RBFOX1: variants seen among roughly 807,000 people sequenced by gnomAD.
RBFOX1 encodes the protein RNA binding protein fox-1 homolog 1.
RBFOX1 carries 8 observed loss-of-function variants against 57.7 expected under a neutral mutation model. The ratio of observed to expected loss-of-function variants is 0.14; its 90% CI spans 0.08 to 0.25. RBFOX1 has a LOEUF of 0.25. Ranked by LOEUF, RBFOX1 falls within the 10% of genes least tolerant of loss-of-function variation. The pLI, the probability that RBFOX1 is intolerant of heterozygous loss-of-function variation, is 1.00. For missense variants in RBFOX1, 611 were observed against 548.5 expected (o/e 1.11, Z -1.14); for synonymous variants, 326 against 222.4 (o/e 1.47, Z -4.15).
chr16:5,917,008 G>T (rs1187608460), intron 4 of RBFOX1, among the ~76,000 whole-genome samples: 3 of 152,118 alleles, frequency 2.0e-5, no homozygotes, highest in Non-Finnish European at 4.4e-5. Flanking sequence ...CTGGGATGGG[G>T]ATGAATTGAG....
intron 4 of RBFOX1, among the ~76,000 whole-genome samples, chr16:7,312,104 G>A (rs1287339338): frequency 6.6e-6 from 1 of 152,248 alleles, no homozygotes; most frequent in African/African-American, 2.4e-5. Context: ...GAAGGGCCGG[G>A]CGCAGTGGCC....
At chr16:5,981,229 A>C (rs2060166765) in intron 4 of RBFOX1, among the ~76,000 whole-genome samples, 1 of 152,242 alleles carries the variant, frequency 6.6e-6, no homozygotes, top group African/African-American at 2.4e-5. Context: ...GTGAAGGGTC[A>C]ACAGGAAAGA....
chr16:6,009,715 A>G (rs574457542), intron 4 of RBFOX1, among the ~76,000 whole-genome samples: 1 of 151,934 alleles, frequency 6.6e-6, no homozygotes, highest in Non-Finnish European at 1.5e-5. Context: ...CTCCAAGCCT[A>G]TCCACAAGTT....
intron 2 of RBFOX1, among the ~76,000 whole-genome samples, chr16:5,494,430 G>A (rs576006371): frequency 6.6e-6 from 1 of 152,180 alleles, no homozygotes; most frequent in Non-Finnish European, 1.5e-5. Context: ...TTTTGCACAT[G>A]CCTGGAATTT....
At chr16:6,210,311 C>G (rs1307934594) in intron 1 of RBFOX1, among the ~76,000 whole-genome samples, 36 of 90,680 alleles carry the variant, frequency 4.0e-4, no homozygotes, top group African/African-American at 1.4e-3. Flanking sequence ...GAGTGCAATT[C>G]TGTCTGAAAA....
chr16:6,330,072 A>G (rs2082827792), intron 2 of RBFOX1, among the ~76,000 whole-genome samples: 1 of 152,226 alleles, frequency 6.6e-6, no homozygotes, highest in Admixed American at 6.5e-5. Flanking sequence ...ATGCAAAGAA[A>G]GATGAAGAAC....
At chr16:6,099,590 T>G (rs2152552482) in intron 1 of RBFOX1, among the ~76,000 whole-genome samples, 1 of 152,302 alleles carries the variant, frequency 6.6e-6, no homozygotes, top group African/African-American at 2.4e-5. Context: ...GATGAAAATA[T>G]TTTGGAACTT....
intron 4 of RBFOX1, among the ~76,000 whole-genome samples, chr16:7,299,595 C>T (rs2095982002): frequency 6.6e-6 from 1 of 152,206 alleles, no homozygotes; most frequent in African/African-American, 2.4e-5. Context: ...TTGAGCACTG[C>T]CAAAATCCTG....
At position 5,464,335 on chromosome 16, in the gene RBFOX1, G is replaced by T. The variant is rs2068888305; in HGVS notation, c.220-2881G>T. 3.3e-5 allele frequency among the ~76,000 whole-genome samples: 5 copies of T among 152,368 alleles called. No homozygotes were observed. In the South Asian group the frequency reaches 1.0e-3, roughly 32 times the overall value. ...CCATGGTGAATGATTCTCTTGGAGG[G>T]CAAAGGGCAGACCCTACGGGTTGTT... On this transcript the variant is annotated intron_variant, in intron 1 of 2. Coordinates refer to the RBFOX1 transcript ENST00000585867.
At chr16:7,181,799 G>A (rs577116649) in intron 4 of RBFOX1, among the ~76,000 whole-genome samples, 7 of 152,028 alleles carry the variant, frequency 4.6e-5, no homozygotes, top group Non-Finnish European at 1.0e-4. Context: ...GAGCTCAAGC[G>A]ATCTGCCCAT....
chr16:6,195,555 TAA>T (rs1470762792), intron 1 of RBFOX1, among the ~76,000 whole-genome samples: 1 of 151,890 alleles, frequency 6.6e-6, no homozygotes, highest in African/African-American at 2.4e-5. Flanking sequence ...CCATGTCTAC[TAA>T]AAATACAAAA....
chr16:6,985,418 A>T (rs757215333), intron 3 of RBFOX1, among the ~76,000 whole-genome samples: 12 of 152,204 alleles, frequency 7.9e-5, no homozygotes, highest in Non-Finnish European at 1.2e-4. Flanking sequence ...AGGCTTAGGC[A>T]GGAAGATCAC....
At chr16:7,643,234 G>A (rs2063147219) in intron 11 of RBFOX1, among the ~76,000 whole-genome samples, 1 of 152,264 alleles carries the variant, frequency 6.6e-6, no homozygotes. Context: ...GCTTTAATTT[G>A]TTAAGTTAGG....
intron 4 of RBFOX1, among the ~76,000 whole-genome samples, chr16:7,227,522 T>C (rs148189568): frequency 2.6e-5 from 4 of 152,306 alleles, no homozygotes; most frequent in Non-Finnish European, 4.4e-5. Flanking sequence ...CTTCTGCAGC[T>C]CTTCAGACGC....
chr16:5,701,476 A>G (rs76689045), intron 3 of RBFOX1, among the ~76,000 whole-genome samples: 3 of 150,304 alleles, frequency 2.0e-5, no homozygotes, highest in African/African-American at 7.4e-5. Flanking sequence ...AGGATGGAAG[A>G]TTTTTTTTTT....
intron 2 of RBFOX1, among the ~76,000 whole-genome samples, chr16:5,545,859 C>G (rs773646789): frequency 2.0e-5 from 3 of 151,958 alleles, no homozygotes; most frequent in Non-Finnish European, 4.4e-5. Context: ...ATGAATAAAA[C>G]CCAGAAAGTA....
At chr16:7,290,291 A>C (rs1477822397) in intron 4 of RBFOX1, among the ~76,000 whole-genome samples, 1 of 152,224 alleles carries the variant, frequency 6.6e-6, no homozygotes, top group Non-Finnish European at 1.5e-5. Context: ...TATTGTTTTC[A>C]ATTAGGCTTA....
chr16:5,567,635 CAAAAAAA>C (rs34858401), intron 2 of RBFOX1, among the ~76,000 whole-genome samples: 7 of 63,156 alleles, frequency 1.1e-4, no homozygotes, highest in Admixed American at 2.7e-4. Context: ...AGGTTATAGG[CAAAAAAA>C]AAAAAAAAAA....
intron 2 of RBFOX1, chr16:5,598,898 C>G: frequency 2.7e-6 from 4 of 1,496,496 alleles, no homozygotes; most frequent in Non-Finnish European, 3.5e-6. Flanking sequence ...TTGTTTTTTG[C>G]CAGGACTACA....
Sources: gnomAD v4.1 joint callset for allele counts (sites outside exome capture counted in the v4.1 genomes callset) on GRCh38, gnomAD v4.1.1 for gene constraint, MANE v1.5 for transcripts, NCBI Gene and HGNC (gene_info 2026-07-23, HGNC 2026-07-21) for gene names.